The following PDCD4 variants were observed in gnomAD, a reference collection of about 807,000 sequenced individuals.
PDCD4 encodes programmed cell death 4, also known as programmed cell death protein 4.
Under a neutral mutation model 54.0 loss-of-function variants are expected in PDCD4, and 56 were observed. The ratio of observed to expected loss-of-function variants is 1.04; its 90% CI spans 0.84 to 1.30. The LOEUF is 1.30. Among genes scored for constraint, PDCD4 ranks in the 50% most tolerant of loss-of-function variants. PDCD4 has a pLI of 0.00. For synonymous variants in PDCD4, 186 were observed against 194.8 expected (o/e 0.95, Z 0.37); for missense variants, 584 against 559.8 (o/e 1.04, Z -0.44).
At chr10:110,883,786 C>T (rs1389775139) in intron 4 of PDCD4, among the ~76,000 whole-genome samples, 1 of 152,012 alleles carries the variant, frequency 6.6e-6, no homozygotes, top group Non-Finnish European at 1.5e-5. Flanking sequence ...AAATTTTAGA[C>T]AGGAAAACGT....
chr10:110,896,902 A>C (rs975770180), intron 11 of PDCD4, among the ~76,000 whole-genome samples: 1 of 152,144 alleles, frequency 6.6e-6, no homozygotes, highest in Non-Finnish European at 1.5e-5. Flanking sequence ...ATTAAAAGAG[A>C]GGGAAAAGAA....
Position 110,887,862 on chromosome 10 carries a change from A to G in PDCD4, c.753A>G (p.Ala251=), listed in dbSNP as rs375949198. ...TGTTGAAAGATCTACCTGAATTAGC[A>G]CTGGATACTCCTAGAGCACCACAGG... ...DKLLKDLPEL[A]LDTPRAPQLV... Residue 251 remains alanine, a synonymous_variant, in exon 6 of 12, where the codon GCA becomes GCG. Coordinates refer to ENST00000280154, the MANE Select transcript of PDCD4 (RefSeq NM_014456.5). 5.0e-6 allele frequency: 8 copies of G among 1,610,264 alleles called. No individual in the cohort carries two copies. Among genetic ancestry groups the G allele is most frequent in the Admixed American group, 1.7e-5 (1 of 59,998 alleles).
intron 3 of PDCD4, 100 bp downstream of exon 3, chr10:110,881,635 T>G (rs938367942): frequency 1.0e-6 from 1 of 954,978 alleles, no homozygotes; most frequent in African/African-American, 1.6e-5. Context: ...TGAGAGAGAT[T>G]CAAAAAGTGA....
intron 2 of PDCD4, among the ~76,000 whole-genome samples, chr10:110,877,721 G>T (rs1590727148): frequency 1.3e-5 from 2 of 152,228 alleles, no homozygotes; most frequent in Middle Eastern, 3.4e-3. Flanking sequence ...ATTTGAATAG[G>T]CCTAAGATAG....
intron 7 of PDCD4, among the ~76,000 whole-genome samples, chr10:110,890,043 G>T (rs1301910093): frequency 6.6e-6 from 1 of 152,168 alleles, no homozygotes; most frequent in African/African-American, 2.4e-5. Context: ...AGAAATCTTA[G>T]TCAGAAAGTA....
In PDCD4 at chr10:110,881,286, A is replaced by AC; in HGVS notation, c.98dup (p.Glu34Ter). The AC allele has an allele frequency of 6.2e-7, 1 of 1,613,604 alleles. No individual in the cohort carries two copies. The highest frequency in any genetic ancestry group is 8.5e-7 in the Non-Finnish European group (1 of 1,179,522). The stretch of plus-strand genomic sequence containing the variant: ...TTCCGGTGATGAAGAAAATGCTGGG[A>AC]CTGAGGAAATAAAGAATGAAATAAA... On this transcript the variant is annotated frameshift_variant, in exon 3 of 12. Coordinates refer to ENST00000280154, the MANE Select transcript of PDCD4 (RefSeq NM_014456.5). LOFTEE classifies it high-confidence loss of function.
intron 6 of PDCD4, among the ~76,000 whole-genome samples, chr10:110,889,215 C>CGA (rs1241628930): frequency 1.1e-5 from 1 of 93,452 alleles, no homozygotes; most frequent in Non-Finnish European, 2.0e-5. Context: ...GAGCGAGACT[C>CGA]TGTCTCAAAA....
intron 11 of PDCD4, among the ~76,000 whole-genome samples, chr10:110,896,662 GT>G (rs1180554901): frequency 2.0e-5 from 3 of 152,004 alleles, no homozygotes; most frequent in African/African-American, 7.2e-5. Context: ...TAGTTGGTAA[GT>G]TTTTTTGTTG....
intron 1 of PDCD4, among the ~76,000 whole-genome samples, chr10:110,872,519 C>T (rs1172057873): frequency 1.3e-5 from 2 of 152,296 alleles, no homozygotes; most frequent in East Asian, 3.9e-4. Flanking sequence ...AACCCGGAGC[C>T]CCGGCCTCGG....
chr10:110,872,789 C>A (rs1027056551), intron 1 of PDCD4, among the ~76,000 whole-genome samples: 4 of 152,178 alleles, frequency 2.6e-5, no homozygotes, highest in African/African-American at 9.6e-5. Context: ...GGAAGGGAGC[C>A]CCCTTTCTGT....
chr10:110,892,699 G>T (rs1845774126), intron 8 of PDCD4, among the ~76,000 whole-genome samples: 1 of 152,272 alleles, frequency 6.6e-6, no homozygotes, highest in Non-Finnish European at 1.5e-5. Context: ...TATGGAGGCA[G>T]TTGTAATGTT....
intron 8 of PDCD4, among the ~76,000 whole-genome samples, chr10:110,891,117 C>T (rs1469026852): frequency 2.0e-5 from 3 of 151,942 alleles, no homozygotes; most frequent in Non-Finnish European, 4.4e-5. Flanking sequence ...CATTCACTAC[C>T]CATATGCATG....
rs139547521 is a variant in PDCD4 at position 110,875,975 on chromosome 10, G to A, written c.-53G>A. ...TCTTTTAAAAAAACAGATTCTGAAG[G>A]AAGATTTCCATTAGGTAATTTGTTT... On this transcript the variant is annotated 5_prime_UTR_variant, in exon 2 of 12. Coordinates refer to ENST00000280154, the MANE Select transcript of PDCD4 (RefSeq NM_014456.5). 2 of 1,365,244 alleles carry A rather than the reference G, an allele frequency of 1.5e-6. No homozygotes were observed. The highest frequency in any genetic ancestry group is 4.9e-5 in the East Asian group (2 of 40,484). 84.6% of individuals were successfully genotyped at this position (1,365,244 alleles called of 1,614,324 possible). A position where few individuals can be genotyped will look rare whatever the true frequency, so the allele number is the denominator to read the frequency against.
At chr10:110,896,693 A>C (rs1320298294) in intron 11 of PDCD4, among the ~76,000 whole-genome samples, 1 of 152,136 alleles carries the variant, frequency 6.6e-6, no homozygotes, top group East Asian at 1.9e-4. Context: ...CTAATAATGA[A>C]GCTTATAATG....
rs1278505215 is a variant in PDCD4 at position 110,899,284 on chromosome 10, T to TTAGA, written c.*1199_*1202dup. The TTAGA allele has an allele frequency of 6.6e-6, 1 of 152,192 alleles. No individual in the cohort carries two copies. Among genetic ancestry groups the TTAGA allele is most frequent in the Admixed American group, 6.5e-5 (1 of 15,280 alleles). 9.4% of individuals were successfully genotyped at this position (152,192 alleles called of 1,614,324 possible). A position where few individuals can be genotyped will look rare whatever the true frequency, so the allele number is the denominator to read the frequency against. Reference sequence around the variant, plus strand: ...TGTTAGGAGTATACTGCTTACAGGTTTAGATATAGTCTGTTAGAATTAAAA... The same window carrying TTAGA: ...TGTTAGGAGTATACTGCTTACAGGTTTAGATAGATATAGTCTGTTAGAATTAAAA... On this transcript the variant is annotated 3_prime_UTR_variant, in exon 12 of 12. Transcript: ENST00000280154.
chr10:110,874,100 G>C (rs1437228252), intron 1 of PDCD4, among the ~76,000 whole-genome samples: 1 of 152,126 alleles, frequency 6.6e-6, no homozygotes, highest in Non-Finnish European at 1.5e-5. Context: ...TCTCATCCTG[G>C]CTGTTCCACT....
intron 8 of PDCD4, among the ~76,000 whole-genome samples, chr10:110,893,247 T>C (rs1845783524): frequency 3.3e-5 from 5 of 151,968 alleles, no homozygotes; most frequent in African/African-American, 1.2e-4. Flanking sequence ...TAAATACATA[T>C]TTACTTACAT....
intron 2 of PDCD4, among the ~76,000 whole-genome samples, 199 bp downstream of exon 2, chr10:110,876,269 T>G (rs1367523486): frequency 1.3e-5 from 2 of 152,190 alleles, no homozygotes; most frequent in Admixed American, 6.5e-5. Context: ...TAATTTTTTA[T>G]TTTTTGTAGA....
chr10:110,875,735 A>G (rs758733272), intron 1 of PDCD4, among the ~76,000 whole-genome samples: 2 of 151,922 alleles, frequency 1.3e-5, no homozygotes, highest in African/African-American at 2.4e-5. Context: ...GCACATGCTG[A>G]AATCTGGGAT....
Sources: gnomAD v4.1 joint callset for allele counts (sites outside exome capture counted in the v4.1 genomes callset) on GRCh38, gnomAD v4.1.1 for gene constraint, MANE v1.5 for transcripts, NCBI Gene and HGNC (gene_info 2026-07-23, HGNC 2026-07-21) for gene names.